Variants in PDE7B observed in about 807,000 individuals in gnomAD.
PDE7B encodes phosphodiesterase 7B.
PDE7B carries 29 observed loss-of-function variants against 56.2 expected under a neutral mutation model. The observed-to-expected ratio is 0.52, with a 90% CI of 0.38 to 0.70. The LOEUF is 0.70. Among genes scored for constraint, PDE7B ranks in the 30% least tolerant of loss-of-function variants. The pLI, the probability that PDE7B is intolerant of heterozygous loss-of-function variation, is 0.00. For missense variants in PDE7B, 490 were observed against 565.0 expected (o/e 0.87, Z 1.35); for synonymous variants, 197 against 196.9 (o/e 1.00, Z 0.00).
intron 2 of PDE7B, among the ~76,000 whole-genome samples, chr6:136,011,378 A>G (rs1775892828): frequency 6.6e-6 from 1 of 152,202 alleles, no homozygotes; most frequent in South Asian, 2.1e-4. Flanking sequence ...GACTGACTTT[A>G]GGTCATCTTG....
At chr6:135,885,331 T>G (rs6937588) in intron 1 of PDE7B, among the ~76,000 whole-genome samples, 3,921 of 120,018 alleles carry the variant, frequency 0.033, 179 homozygotes, top group African/African-American at 0.16. Context: ...GTTTGTTGTT[T>G]TTTTTTTTTT....
chr6:136,007,667 AGAAAAT>A (rs1391108826), intron 2 of PDE7B, among the ~76,000 whole-genome samples: 2 of 151,372 alleles, frequency 1.3e-5, no homozygotes, highest in Non-Finnish European at 2.9e-5. Context: ...AAAAAAAAAA[AGAAAAT>A]CAATTTCTTC....
chr6:136,141,449 A>C (rs1041277683), intron 3 of PDE7B, among the ~76,000 whole-genome samples: 2 of 152,116 alleles, frequency 1.3e-5, no homozygotes, highest in African/African-American at 2.4e-5. Flanking sequence ...TGTCTCTGCC[A>C]GGCTTTGGTA....
chr6:135,964,826 T>G (rs1301351599), intron 2 of PDE7B, among the ~76,000 whole-genome samples: 1 of 152,128 alleles, frequency 6.6e-6, no homozygotes, highest in Non-Finnish European at 1.5e-5. Flanking sequence ...CAGTAAACAG[T>G]ATAAAAAATT....
chr6:136,011,183 A>AAACAG (rs1257675591), intron 2 of PDE7B, among the ~76,000 whole-genome samples: 1 of 152,224 alleles, frequency 6.6e-6, no homozygotes, highest in Non-Finnish European at 1.5e-5. Context: ...AAACAAAACA[A>AAACAG]ACCTCAAAAG....
At chr6:135,980,094 T>C (rs375408126) in intron 2 of PDE7B, among the ~76,000 whole-genome samples, 4 of 151,968 alleles carry the variant, frequency 2.6e-5, no homozygotes, top group East Asian at 1.9e-4. Flanking sequence ...AAAACAGAGA[T>C]ATAGATCAAT....
chr6:135,903,441 TACTC>T (rs1180656280), intron 1 of PDE7B, among the ~76,000 whole-genome samples: 1 of 152,188 alleles, frequency 6.6e-6, no homozygotes, highest in Non-Finnish European at 1.5e-5. Flanking sequence ...GCAAGTGAAA[TACTC>T]AGTTTAGTGT....
At chr6:136,150,199 A>G (rs1778486168) in intron 5 of PDE7B, among the ~76,000 whole-genome samples, 1 of 151,680 alleles carries the variant, frequency 6.6e-6, no homozygotes, top group Admixed American at 6.6e-5. Context: ...TCACAAGTAT[A>G]TGAAGTATAT....
intron 5 of PDE7B, among the ~76,000 whole-genome samples, chr6:136,149,857 T>A (rs375929634): frequency 6.6e-5 from 10 of 152,340 alleles, no homozygotes; most frequent in African/African-American, 2.2e-4. Context: ...TTTCTCATCA[T>A]TCTATTACTT....
At chr6:136,144,730 T>A (rs2128446419) in intron 3 of PDE7B, among the ~76,000 whole-genome samples, 1 of 152,310 alleles carries the variant, frequency 6.6e-6, no homozygotes, top group African/African-American at 2.4e-5. Flanking sequence ...TGACATTTTT[T>A]AAGAGAGCAC....
intron 2 of PDE7B, among the ~76,000 whole-genome samples, chr6:136,054,610 A>T (rs1658150983): frequency 1.3e-5 from 2 of 152,164 alleles, no homozygotes; most frequent in African/African-American, 4.8e-5. Flanking sequence ...TGGTAGCTCG[A>T]TGCGGATGGC....
intron 2 of PDE7B, among the ~76,000 whole-genome samples, chr6:135,982,310 G>A (rs559690744): frequency 6.6e-6 from 1 of 152,276 alleles, no homozygotes; most frequent in South Asian, 2.1e-4. Flanking sequence ...ACAAGAGCCT[G>A]TTTCTGCTTC....
At chr6:135,955,872 AG>A (rs1276613752) in intron 2 of PDE7B, among the ~76,000 whole-genome samples, 3 of 152,206 alleles carry the variant, frequency 2.0e-5, no homozygotes, top group Non-Finnish European at 4.4e-5. Flanking sequence ...TGTCCCGCAA[AG>A]AAGAGTCCAA....
chr6:136,019,746 T>A (rs1776037927), intron 2 of PDE7B, among the ~76,000 whole-genome samples: 1 of 152,234 alleles, frequency 6.6e-6, no homozygotes, highest in Non-Finnish European at 1.5e-5. Context: ...GTGTTTTATG[T>A]ATCATTTACT....
At chr6:136,112,612 A>T (rs1777767360) in intron 3 of PDE7B, 1 of 151,982 alleles carries the variant, frequency 6.6e-6, no homozygotes, top group Non-Finnish European at 1.5e-5. Context: ...ATCTTTGTTA[A>T]TGTCTTTTTT....
At chr6:136,125,990 T>C (rs1778017184) in intron 3 of PDE7B, among the ~76,000 whole-genome samples, 1 of 152,128 alleles carries the variant, frequency 6.6e-6, no homozygotes, top group Admixed American at 6.5e-5. Context: ...AAAATCATAA[T>C]AAGGCCCTAG....
chr6:135,906,829 T>TTTTTTTTGTTTTTTTTTTTTTTTG (rs1562434158), intron 1 of PDE7B, among the ~76,000 whole-genome samples: 4 of 142,598 alleles, frequency 2.8e-5, no homozygotes, highest in African/African-American at 1.1e-4. Context: ...TTTTTTTTTT[T>TTTTTTTTGTTTTTTTTTTTTTTTG]TTTTTTTAAT....
intron 2 of PDE7B, among the ~76,000 whole-genome samples, chr6:135,995,741 A>G (rs571349017): frequency 2.6e-5 from 4 of 152,372 alleles, no homozygotes; most frequent in African/African-American, 7.2e-5. Context: ...GCCCATATCC[A>G]TTAACTAAAG....
intron 2 of PDE7B, among the ~76,000 whole-genome samples, chr6:135,964,545 T>A (rs1554270034): frequency 2.6e-5 from 4 of 152,232 alleles, no homozygotes; most frequent in Non-Finnish European, 5.9e-5. Flanking sequence ...TACTAGGATT[T>A]CTAATGTACA....
Sources: allele counts gnomAD v4.1 joint callset (sites outside exome capture counted in the v4.1 genomes callset), GRCh38; gene constraint gnomAD v4.1.1; transcripts MANE v1.5; gene names NCBI Gene and HGNC (gene_info 2026-07-23, HGNC 2026-07-21).